The following CBFB variants were observed in gnomAD, a reference collection of about 807,000 sequenced individuals.
The protein encoded by CBFB is CBF-beta.
A neutral mutation model predicts 30.4 loss-of-function variants in CBFB; 9 were observed. The ratio of observed to expected loss-of-function variants is 0.30; its 90% confidence interval spans 0.18 to 0.52. CBFB has a LOEUF of 0.52. Among genes scored for constraint, CBFB ranks in the 20% least tolerant of loss-of-function variants. The probability of loss-of-function intolerance (pLI) is 0.97; values close to 1 mark genes in which losing one functional copy is unlikely to be tolerated. For synonymous variants in CBFB, 94 were observed against 84.0 expected (o/e 1.12, Z -0.65); for missense variants, 170 against 244.0 (o/e 0.70, Z 2.02).
At chr16:67,053,774 A>G (rs1050803264) in intron 3 of CBFB, among the ~76,000 whole-genome samples, 2 of 151,428 alleles carry the variant, frequency 1.3e-5, no homozygotes, top group African/African-American at 2.4e-5. Context: ...GTGGAGGAAT[A>G]TGGTCAGAGG....
At chr16:67,051,627 C>G (rs1960540999) in intron 3 of CBFB, among the ~76,000 whole-genome samples, 2 of 151,878 alleles carry the variant, frequency 1.3e-5, no homozygotes, top group African/African-American at 4.8e-5. Flanking sequence ...ATAGCATAAC[C>G]TGCCACGTTT....
At chr16:67,043,971 C>T (rs1008809707) in intron 3 of CBFB, among the ~76,000 whole-genome samples, 9 of 152,166 alleles carry the variant, frequency 5.9e-5, no homozygotes, top group Admixed American at 5.2e-4. Context: ...ATCTAGCTGT[C>T]AAAAGACAAG....
intron 3 of CBFB, among the ~76,000 whole-genome samples, chr16:67,057,044 G>A (rs1353700879): frequency 6.6e-6 from 1 of 151,728 alleles, no homozygotes; most frequent in Non-Finnish European, 1.5e-5. Flanking sequence ...GTGCAGTGGT[G>A]CAATCTTGGC....
intron 4 of CBFB, among the ~76,000 whole-genome samples, chr16:67,073,173 AAG>A (rs1475669156): frequency 2.0e-5 from 3 of 152,206 alleles, no homozygotes; most frequent in African/African-American, 4.8e-5. Flanking sequence ...CTGGTAAACT[AAG>A]AGCTAAATGG....
At chr16:67,037,498 AAACTTT>A (rs1300156082) in intron 3 of CBFB, among the ~76,000 whole-genome samples, 31 of 152,288 alleles carry the variant, frequency 2.0e-4, no homozygotes, top group African/African-American at 7.5e-4. Context: ...AACAATGTGA[AAACTTT>A]AACTTGGAAA....
intron 4 of CBFB, 169 bp from the exon 5 acceptor site, chr16:67,082,044 C>G (rs1313324520): frequency 2.8e-6 from 1 of 359,212 alleles, no homozygotes. Context: ...GTGTCGAACT[C>G]CTGACCTCAA....
intron 4 of CBFB, among the ~76,000 whole-genome samples, chr16:67,075,197 A>ATATGTGTG (rs369475383): frequency 0.039 from 5,621 of 142,712 alleles, 214 homozygotes; most frequent in Admixed American, 0.099. Flanking sequence ...CTCAAAAAAA[A>ATATGTGTG]TGTGTGTGTG....
At chr16:67,033,947 G>A (rs1471923155) in intron 2 of CBFB, among the ~76,000 whole-genome samples, 1 of 150,866 alleles carries the variant, frequency 6.6e-6, no homozygotes, top group South Asian at 2.1e-4. Flanking sequence ...TCCTGCCTCA[G>A]CCTCCCGAGT....
intron 3 of CBFB, among the ~76,000 whole-genome samples, chr16:67,058,771 C>T (rs185985679): frequency 3.3e-5 from 5 of 152,138 alleles, no homozygotes; most frequent in South Asian, 2.1e-4. Context: ...CACCCTCTTA[C>T]GTTTTCTTAA....
At chr16:67,032,295 A>G (rs1966365134) in intron 2 of CBFB, among the ~76,000 whole-genome samples, 1 of 152,198 alleles carries the variant, frequency 6.6e-6, no homozygotes, top group Non-Finnish European at 1.5e-5. Flanking sequence ...ACTGCACTCC[A>G]GCCTGGGTGA....
intron 4 of CBFB, among the ~76,000 whole-genome samples, chr16:67,071,387 G>C (rs1961218168): frequency 6.6e-6 from 1 of 152,094 alleles, no homozygotes; most frequent in Non-Finnish European, 1.5e-5. Context: ...TGATCCAGTA[G>C]GGTTAGTGTC....
intron 2 of CBFB, among the ~76,000 whole-genome samples, chr16:67,035,101 A>T (rs1054559029): frequency 6.7e-6 from 1 of 150,188 alleles, no homozygotes; most frequent in Non-Finnish European, 1.5e-5. Flanking sequence ...TGTTTTTGTG[A>T]TGGAGTCTCG....
At chr16:67,075,724 A>G (rs1961377044) in intron 4 of CBFB, among the ~76,000 whole-genome samples, 2 of 152,230 alleles carry the variant, frequency 1.3e-5, no homozygotes, top group Non-Finnish European at 2.9e-5. Context: ...GGCCATTAAC[A>G]GTGAAATTTA....
Position 67,042,687 on chromosome 16 carries a change from A to T in CBFB, c.282+5932A>T, listed in dbSNP as rs1311560364. On this transcript the variant is annotated intron_variant, in intron 3 of 5. Transcript: ENST00000412916. ...CTGTTGGTAGGTGGCTTCACTTCCTAGTCATGCTTCTCCATAGAGAGAAAA... is the reference window on the plus strand; with the variant it reads ...CTGTTGGTAGGTGGCTTCACTTCCTTGTCATGCTTCTCCATAGAGAGAAAA... 2.6e-5 allele frequency among the ~76,000 whole-genome samples: 4 copies of T among 152,234 alleles called. No individual in the cohort carries two copies. In the East Asian group the frequency reaches 5.8e-4, roughly 22 times the overall value.
At chr16:67,070,863 A>G (rs1447890965) in intron 4 of CBFB, among the ~76,000 whole-genome samples, 3 of 152,208 alleles carry the variant, frequency 2.0e-5, no homozygotes, top group Non-Finnish European at 4.4e-5. Flanking sequence ...CTCAAAAACA[A>G]ACAACAAAAA....
At chr16:67,031,390 G>A (rs1360217444) in intron 2 of CBFB, among the ~76,000 whole-genome samples, 1 of 152,214 alleles carries the variant, frequency 6.6e-6, no homozygotes, top group East Asian at 1.9e-4. Context: ...TGCGATGATC[G>A]TGTCATCCTT....
intron 5 of CBFB, among the ~76,000 whole-genome samples, chr16:67,095,014 T>C (rs114554273): frequency 0.021 from 3,147 of 151,518 alleles, 99 homozygotes; most frequent in African/African-American, 0.072. Flanking sequence ...GGTCAGGAGT[T>C]CAAGATCCGG....
At chr16:67,045,454 T>G (rs1597129147) in intron 3 of CBFB, among the ~76,000 whole-genome samples, 1 of 151,738 alleles carries the variant, frequency 6.6e-6, no homozygotes, top group Non-Finnish European at 1.5e-5. Context: ...GAGGCGGAGG[T>G]TGCAGTGGGC....
chr16:67,045,152 A>G (rs541054561), intron 3 of CBFB, among the ~76,000 whole-genome samples: 1 of 152,280 alleles, frequency 6.6e-6, no homozygotes, highest in East Asian at 1.9e-4. Context: ...GTATTTTTAA[A>G]GAAAAGTTTT....
Sources: allele counts gnomAD v4.1 joint callset (sites outside exome capture counted in the v4.1 genomes callset), GRCh38; gene constraint gnomAD v4.1.1; transcripts MANE v1.5; gene names NCBI Gene and HGNC (gene_info 2026-07-23, HGNC 2026-07-21).